The following DIAPH1 variants were observed in gnomAD, a reference collection of about 807,000 sequenced individuals.
DIAPH1 encodes the protein protein diaphanous homolog 1.
In DIAPH1, 46 loss-of-function variants were observed where a neutral mutation model predicts 140.7. The ratio of observed to expected loss-of-function variants is 0.33; its 90% CI spans 0.26 to 0.42. The LOEUF (loss-of-function observed/expected upper bound fraction) is 0.42. Among genes scored for constraint, DIAPH1 ranks in the 10% least tolerant of loss-of-function variants. DIAPH1 has a pLI of 1.00. For synonymous variants in DIAPH1, 565 were observed against 551.6 expected, an observed-to-expected ratio of 1.02 and a Z score of -0.34; for missense variants, 1,310 against 1,558.7, an observed-to-expected ratio of 0.84 and a Z score of 2.69.
chr5:141,594,362 A>G (rs1468505746), intron 1 of DIAPH1, among the ~76,000 whole-genome samples: 1 of 152,228 alleles, frequency 6.6e-6, no homozygotes, highest in Non-Finnish European at 1.5e-5. Context: ...TAACTAAACC[A>G]TGGCACATTC....
chr5:141,605,091 A>G (rs987578493), intron 1 of DIAPH1, among the ~76,000 whole-genome samples: 12 of 152,200 alleles, frequency 7.9e-5, no homozygotes, highest in African/African-American at 2.9e-4. Flanking sequence ...GGTTCTAACC[A>G]TTAAAAAAAA....
At position 141,573,743 on chromosome 5, in the gene DIAPH1, G is replaced by C. The variant is rs201433617; in HGVS notation, c.2107C>G (p.Pro703Ala). 205 of 1,537,206 alleles carry C rather than the reference G, an allele frequency of 1.3e-4. No homozygotes were observed. Among genetic ancestry groups the C allele is most frequent in the Middle Eastern group, 1.7e-4 (1 of 5,752 alleles). ...PLPGSAGIPPPPPPLPGEAGM... is the reference protein window; with the variant it reads ...PLPGSAGIPPAPPPLPGEAGM... ...GCTTCTCCAGGCAAGGGAGGAGGTG[G>C]GGGGGGAATTCCAGCACTCCCAGGC... The change falls in exon 16 of 28, where the codon CCA becomes GCA. Residue 703 changes from proline (P) to alanine (A), a missense_variant. This residue lies in a region of DIAPH1 where 589 missense variants were observed against 549.3 expected (regional missense o/e 1.07). Coordinates refer to ENST00000389054, the MANE Select transcript of DIAPH1 (RefSeq NM_005219.5).
intron 18 of DIAPH1, 93 bp downstream of exon 18, chr5:141,571,335 C>G: frequency 8.9e-7 from 1 of 1,118,208 alleles, no homozygotes; most frequent in East Asian, 2.5e-5. Context: ...AATCTCTGGT[C>G]TCAGTTTTCT....
At chr5:141,547,356 T>A (rs1199361984) in intron 18 of DIAPH1, among the ~76,000 whole-genome samples, 1 of 151,988 alleles carries the variant, frequency 6.6e-6, no homozygotes, top group Non-Finnish European at 1.5e-5. Context: ...TCCCAGCTAC[T>A]CGGGAGGCTG....
intron 1 of DIAPH1, among the ~76,000 whole-genome samples, chr5:141,616,722 C>T (rs75891596): frequency 0.011 from 1,676 of 152,278 alleles, 40 homozygotes; most frequent in African/African-American, 0.039. Context: ...CTTCCAATTC[C>T]GTAGCTACTA....
intron 1 of DIAPH1, among the ~76,000 whole-genome samples, chr5:141,595,523 C>T (rs779895290): frequency 9.2e-5 from 14 of 152,144 alleles, no homozygotes; most frequent in Non-Finnish European, 2.1e-4. Flanking sequence ...ACAGTCTCCC[C>T]TATGCTGTTC....
intron 1 of DIAPH1, among the ~76,000 whole-genome samples, chr5:141,618,232 T>A (rs1338913038): frequency 6.6e-6 from 1 of 150,820 alleles, no homozygotes; most frequent in Non-Finnish European, 1.5e-5. Context: ...AAAGAAGGAG[T>A]TGGGGGTAGG....
chr5:141,590,423 G>A (rs1023348320), intron 1 of DIAPH1, among the ~76,000 whole-genome samples: 6 of 152,166 alleles, frequency 3.9e-5, no homozygotes, highest in African/African-American at 1.4e-4. Context: ...AAGCAAAGCA[G>A]AAGGATGATG....
At chr5:141,533,376 G>C (rs1055293242) in intron 19 of DIAPH1, among the ~76,000 whole-genome samples, 1 of 152,132 alleles carries the variant, frequency 6.6e-6, no homozygotes, top group Non-Finnish European at 1.5e-5. Flanking sequence ...CTTTGCAGAG[G>C]AATTTCTCAT....
chr5:141,516,859 C>A lies in DIAPH1; in HGVS notation c.3811G>T (p.Ala1271Ser), dbSNP rs1167599945. The change falls in exon 28 of 28, where the codon GCA becomes TCA. Residue 1271 changes from alanine to serine, a missense_variant. Coordinates refer to ENST00000389054, the MANE Select transcript of DIAPH1 (RefSeq NM_005219.5). Reference sequence around the variant, plus strand: ...CGGTCACAGGACCCACATTAGCTTGCACGGCCAACCAACTCCTTGGCTTCC... The same window carrying A: ...CGGTCACAGGACCCACATTAGCTTGAACGGCCAACCAACTCCTTGGCTTCC... ...LEEAKELVGR[A>S]S The A allele has an allele frequency of 6.2e-7, 1 of 1,614,160 alleles. No homozygotes were observed. Among genetic ancestry groups the A allele is most frequent in the Admixed American group, 1.7e-5 (1 of 60,036 alleles).
At position 141,579,087 on chromosome 5, in the gene DIAPH1, C is replaced by G. The variant is rs759435596; in HGVS notation, c.933+1G>C. 1.2e-6 allele frequency: 2 copies of G among 1,609,950 alleles called. No homozygotes were observed. Among genetic ancestry groups the G allele is most frequent in the Non-Finnish European group, 1.7e-6 (2 of 1,176,148 alleles). On this transcript the variant is annotated splice_donor_variant, in intron 9 of 27. Transcript: ENST00000389054. LOFTEE classifies it high-confidence loss of function. ...GGCCCAGTTTCAGGGGATATACATGCCTTCAGTGCAATAGTGGTTCCACTT... is the reference window on the plus strand; with the variant it reads ...GGCCCAGTTTCAGGGGATATACATGGCTTCAGTGCAATAGTGGTTCCACTT...
chr5:141,519,906 T>C (rs998390654), intron 27 of DIAPH1, among the ~76,000 whole-genome samples: 3 of 152,144 alleles, frequency 2.0e-5, no homozygotes, highest in Non-Finnish European at 4.4e-5. Flanking sequence ...ATATTTTGAC[T>C]ACAAGAGAAC....
At chr5:141,559,469 C>G (rs1052238162) in intron 18 of DIAPH1, among the ~76,000 whole-genome samples, 4 of 152,008 alleles carry the variant, frequency 2.6e-5, no homozygotes, top group Admixed American at 2.0e-4. Context: ...AATGAACAAA[C>G]CTAAAGGACA....
At chr5:141,534,646 A>G (rs1228436685) in intron 18 of DIAPH1, among the ~76,000 whole-genome samples, 1 of 152,164 alleles carries the variant, frequency 6.6e-6, no homozygotes, top group Non-Finnish European at 1.5e-5. Context: ...CATTTCTTCA[A>G]TATTTATCAG....
intron 18 of DIAPH1, among the ~76,000 whole-genome samples, chr5:141,545,464 G>A (rs542757836): frequency 4.6e-5 from 7 of 152,180 alleles, no homozygotes; most frequent in African/African-American, 1.7e-4. Context: ...CAGCCTAGGC[G>A]ACACAGTCTG....
rs1279819065 is a variant in DIAPH1 at position 141,582,086 on chromosome 5, A to AAG, written c.684+224_684+225dup. The AAG allele has an allele frequency of 1.3e-3, 526 of 391,216 alleles. 7 individuals are homozygous for AAG. Among genetic ancestry groups the AAG allele is most frequent in the Non-Finnish European group, 1.8e-3 (381 of 217,652 alleles). 24.2% of individuals were successfully genotyped at this position (391,216 alleles called of 1,614,324 possible). A position where few individuals can be genotyped will look rare whatever the true frequency, so the allele number is the denominator to read the frequency against. The stretch of plus-strand genomic sequence containing the variant: ...AAAAAAAAAAAAAAAAAAAAAAAAA[A>AAG]AGAGAGAGAAACAAAATTGAGCCTG... On this transcript the variant is annotated intron_variant, in intron 7 of 27. Coordinates refer to ENST00000389054, the MANE Select transcript of DIAPH1 (RefSeq NM_005219.5).
At chr5:141,593,962 G>C (rs760792130) in intron 1 of DIAPH1, among the ~76,000 whole-genome samples, 1 of 152,110 alleles carries the variant, frequency 6.6e-6, no homozygotes, top group African/African-American at 2.4e-5. Context: ...ACCACACGTG[G>C]CTAATTTTTG....
At chr5:141,539,219 G>A (rs1402158238) in intron 18 of DIAPH1, among the ~76,000 whole-genome samples, 2 of 151,964 alleles carry the variant, frequency 1.3e-5, no homozygotes, top group Non-Finnish European at 2.9e-5. Context: ...GGAGGTTGCA[G>A]TGAGTGGAGA....
At position 141,579,147 on chromosome 5, in the gene DIAPH1, C is replaced by T; in HGVS notation, c.874G>A (p.Val292Met). The change falls in exon 9 of 28, where the codon GTG (valine) becomes ATG (methionine). Residue 292 changes from valine to methionine, a missense_variant. This residue lies in a region of DIAPH1 where 377 missense variants were observed against 497.1 expected (regional missense o/e 0.76). Transcript: ENST00000389054. ...AMTERAEMDEVERFQPLLDGL... is the reference protein window; with the variant it reads ...AMTERAEMDEMERFQPLLDGL... ...TCCAGCAGCGGCTGGAAACGTTCCA[C>T]TTCATCCATCTCAGCTCTTTCTGTC... 1.9e-6 allele frequency: 3 copies of T among 1,614,226 alleles called. No homozygotes were observed. Among genetic ancestry groups the T allele is most frequent in the South Asian group, 2.2e-5 (2 of 91,088 alleles).
Sources: gnomAD v4.1 joint callset for allele counts (sites outside exome capture counted in the v4.1 genomes callset) on GRCh38, gnomAD v4.1.1 for gene constraint, gnomAD v4.1.1 regional missense constraint, MANE v1.5 for transcripts, NCBI Gene and HGNC (gene_info 2026-07-23, HGNC 2026-07-21) for gene names.